BLK: variants seen among roughly 807,000 people sequenced by gnomAD.
BLK encodes BLK proto-oncogene, Src family tyrosine kinase.
A neutral mutation model predicts 61.8 loss-of-function variants in BLK; 64 were observed. The observed-to-expected ratio is 1.03, with a 90% CI of 0.85 to 1.27. The LOEUF (loss-of-function observed/expected upper bound fraction) is 1.27. Ranked by LOEUF, BLK falls within the 50% of genes most tolerant of loss-of-function variation. The pLI, the probability that BLK is intolerant of heterozygous loss-of-function variation, is 0.00. For missense variants in BLK, 853 were observed against 660.5 expected (o/e 1.29, Z -3.19); for synonymous variants, 351 against 272.0 (o/e 1.29, Z -2.86).
In BLK at chr8:11,550,255, C is replaced by A; in HGVS notation, c.465C>A (p.Thr155=). The part of the protein sequence containing the change: ...AGSFLIRESE[T]NKGAFSLSVK... ...CCTTTCTTATCAGAGAGAGTGAAAC[C>A]AACAAAGGTAGGCTTGGTGGCTTTG... The change falls in exon 6 of 13, where the codon ACC becomes ACA. Residue 155 remains threonine (T), a synonymous_variant. Coordinates refer to ENST00000259089, the MANE Select transcript of BLK (RefSeq NM_001715.3). The A allele has an allele frequency of 1.2e-6, 2 of 1,613,892 alleles. No individual in the cohort carries two copies. Among genetic ancestry groups the A allele is most frequent in the Non-Finnish European group, 1.7e-6 (2 of 1,179,982 alleles).
chr8:11,523,514 C>A (rs894542972), intron 1 of BLK, among the ~76,000 whole-genome samples: 10 of 152,084 alleles, frequency 6.6e-5, no homozygotes, highest in African/African-American at 2.2e-4. Context: ...GATGGCGCCA[C>A]TATACACCAG....
chr8:11,561,589 G>A, intron 11 of BLK, 137 bp downstream of exon 11: 1 of 1,202,320 alleles, frequency 8.3e-7, no homozygotes, highest in Non-Finnish European at 1.2e-6. Context: ...CTCTAGATCA[G>A]CATTTCCTTC....
At chr8:11,547,891 G>T (rs566897325) in intron 3 of BLK, 141 bp from the exon 4 acceptor site, 21 of 760,750 alleles carry the variant, frequency 2.8e-5, no homozygotes, top group African/African-American at 2.7e-4. Context: ...AGGGCTGGGG[G>T]TGGGGGCCTG....
rs143379650 is a variant in BLK, at chr8:11,495,366, G to A, written c.-2+775G>A. ...GCATATCCTCCTCCCTCGGGAGAGT[G>A]GGACTTAATTCCCCTCACCTTGAGT... On this transcript the variant is annotated intron_variant, in intron 1 of 12. Transcript: ENST00000259089. Among the ~76,000 whole-genome samples the A allele has an allele frequency of 1.1e-4, 16 of 152,304 alleles. No individual in the cohort carries two copies. In the East Asian group the frequency reaches 3.1e-3, roughly 29 times the overall value.
chr8:11,550,221 A>G lies in BLK; in HGVS notation c.431A>G (p.Lys144Arg). Reference sequence around the variant, plus strand: ...AGGCAGCTTCTTGCTCCAATCAACAAGGCCGGCTCCTTTCTTATCAGAGAG... The same window carrying G: ...AGGCAGCTTCTTGCTCCAATCAACAGGGCCGGCTCCTTTCTTATCAGAGAG... ...AERQLLAPIN[K>R]AGSFLIRESE... The change falls in exon 6 of 13, where the codon AAG (lysine) becomes AGG (arginine). Residue 144 changes from lysine (K) to arginine (R), a missense_variant. Physicochemically the swap from Lys to Arg is conservative, Grantham distance 26 (BLOSUM62 2). Transcript: ENST00000259089. 6.2e-7 allele frequency: 1 copy of G among 1,614,160 alleles called. No homozygotes were observed. Among genetic ancestry groups the G allele is most frequent in the Non-Finnish European group, 8.5e-7 (1 of 1,180,042 alleles).
At chr8:11,503,888 A>C (rs536030177) in intron 1 of BLK, among the ~76,000 whole-genome samples, 12 of 152,214 alleles carry the variant, frequency 7.9e-5, no homozygotes, top group African/African-American at 2.6e-4. Context: ...CCACGTTGCC[A>C]CCCAGACAAG....
chr8:11,561,559 G>T, intron 11 of BLK, 107 bp downstream of exon 11: 2 of 1,400,528 alleles, frequency 1.4e-6, no homozygotes, highest in Non-Finnish European at 9.9e-7. Context: ...AGACACCTGA[G>T]GGCTATACGG....
rs746946632 is a variant in BLK, at chr8:11,564,012, C to T, written c.1422C>T (p.Arg474=). ...GCGGCGTCATCGCCGAGTGCTGGCG[C>T]AGCCGGCCCGAGGAGCGGCCCACCT... ...LYRGVIAECW[R]SRPEERPTFE... is the part of the protein sequence containing the mutation. Residue 474 remains arginine, a synonymous_variant, in exon 13 of 13, where the codon CGC becomes CGT. Coordinates refer to ENST00000259089, the MANE Select transcript of BLK (RefSeq NM_001715.3). 1.8e-4 allele frequency: 296 copies of T among 1,605,244 alleles called. No individual in the cohort carries two copies. The highest frequency in any genetic ancestry group is 2.2e-4 in the Non-Finnish European group (260 of 1,179,116).
intron 1 of BLK, among the ~76,000 whole-genome samples, chr8:11,495,342 C>T (rs1274033002): frequency 6.6e-6 from 1 of 152,118 alleles, no homozygotes; most frequent in Non-Finnish European, 1.5e-5. Context: ...GTGATATGTG[C>T]ATATCCTCCT....
chr8:11,504,824 T>A (rs531087028), intron 1 of BLK, among the ~76,000 whole-genome samples: 1 of 152,340 alleles, frequency 6.6e-6, no homozygotes, highest in South Asian at 2.1e-4. Flanking sequence ...TTGGCCTAAG[T>A]GGCCCATGTG....
At chr8:11,535,219 GAGAAAGAA>G (rs71203396) in intron 1 of BLK, among the ~76,000 whole-genome samples, 2 of 120,770 alleles carry the variant, frequency 1.7e-5, no homozygotes, top group Non-Finnish European at 3.4e-5. Flanking sequence ...AAGAAAGAGA[GAGAAAGAA>G]AGAAAAAGAA....
chr8:11,510,246 A>G (rs765480455), intron 1 of BLK, among the ~76,000 whole-genome samples: 5 of 152,210 alleles, frequency 3.3e-5, no homozygotes, highest in Non-Finnish European at 2.9e-5. Context: ...AATTGCGTTT[A>G]AAGTCAGTGT....
At chr8:11,561,170 C>A in intron 10 of BLK, 132 bp from the exon 11 acceptor site, 1 of 1,296,028 alleles carries the variant, frequency 7.7e-7, no homozygotes, top group Non-Finnish European at 1.1e-6. Flanking sequence ...GCAACACAGT[C>A]ACCTTTCTAC....
intron 1 of BLK, among the ~76,000 whole-genome samples, chr8:11,534,620 T>A (rs1800033968): frequency 6.6e-6 from 1 of 152,238 alleles, no homozygotes; most frequent in South Asian, 2.1e-4. Context: ...ATCTTTTCTA[T>A]CAATTTTACC....
intron 1 of BLK, among the ~76,000 whole-genome samples, chr8:11,502,811 C>A (rs544839309): frequency 4.7e-4 from 72 of 152,174 alleles, no homozygotes; most frequent in African/African-American, 1.7e-3. Context: ...TCTCCTGAGT[C>A]CCGAGCCTGA....
At chr8:11,500,937 G>T (rs995149057) in intron 1 of BLK, among the ~76,000 whole-genome samples, 1 of 152,080 alleles carries the variant, frequency 6.6e-6, no homozygotes, top group Non-Finnish European at 1.5e-5. Flanking sequence ...GGCCAGGCGT[G>T]GTGGCTCACA....
At chr8:11,530,159 C>T (rs1203884831) in intron 1 of BLK, among the ~76,000 whole-genome samples, 1 of 152,126 alleles carries the variant, frequency 6.6e-6, no homozygotes. Context: ...TTTTTTCTAA[C>T]TGGCTTTGCT....
At position 11,561,297 on chromosome 8, in the gene BLK, C is replaced by T. The variant is rs766903237; in HGVS notation, c.1030-5C>T. On this transcript the variant is annotated splice_polypyrimidine_tract_variant and splice_region_variant and intron_variant, in intron 10 of 12. Transcript: ENST00000259089. Reference sequence around the variant, plus strand: ...CTGTCCTTCACCATGTGCCTGTTCCCTCAGATTGCTGAAGGGATGGCATAC... The same window carrying T: ...CTGTCCTTCACCATGTGCCTGTTCCTTCAGATTGCTGAAGGGATGGCATAC... 7 of 1,612,514 alleles carry T rather than the reference C, an allele frequency of 4.3e-6. No homozygotes were observed. Among genetic ancestry groups the T allele is most frequent in the Non-Finnish European group, 5.9e-6 (7 of 1,179,338 alleles).
At chr8:11,509,074 G>A (rs890757001) in intron 1 of BLK, 2 of 152,182 alleles carry the variant, frequency 1.3e-5, no homozygotes, top group African/African-American at 2.4e-5. Flanking sequence ...TCACAACAAT[G>A]ACTCAGGTGC....
Sources: allele counts gnomAD v4.1 joint callset (sites outside exome capture counted in the v4.1 genomes callset), GRCh38; gene constraint gnomAD v4.1.1; transcripts MANE v1.5; gene names NCBI Gene and HGNC (gene_info 2026-07-23, HGNC 2026-07-21).